ADA2: variants seen among roughly 807,000 people sequenced by gnomAD.
ADA2 encodes the protein adenosine deaminase 2.
Under a neutral mutation model 44.2 loss-of-function variants are expected in ADA2, and 29 were observed. That is an observed-to-expected ratio of 0.66 (90% CI 0.49 to 0.89). The LOEUF is 0.89. ADA2 is among the 40% of genes least tolerant of loss of function. The pLI is 0.00. For synonymous variants in ADA2, 215 were observed against 234.9 expected (o/e 0.92, Z 0.77); for missense variants, 637 against 644.8 (o/e 0.99, Z 0.13).
intron 1 of ADA2, among the ~76,000 whole-genome samples, chr22:17,216,773 C>A (rs147791773): frequency 1.2e-3 from 143 of 114,512 alleles, no homozygotes; most frequent in East Asian, 4.7e-3. Context: ...AAAAAAAAAA[C>A]ACACACACAC....
rs1236769481 is a variant in ADA2, at chr22:17,187,185, T to A, written c.1081+1154A>T. On this transcript the variant is annotated intron_variant, in intron 7 of 9. Coordinates refer to ENST00000399837, the MANE Select transcript of ADA2 (RefSeq NM_001282225.2). ...CCATCTCAAAAAAAAAAAAAAAAAATTTGTTTTCCTTTTTGTGTAGAATGG... is the reference window on the plus strand; with the variant it reads ...CCATCTCAAAAAAAAAAAAAAAAAAATTGTTTTCCTTTTTGTGTAGAATGG... Among the ~76,000 whole-genome samples, 31 of 129,148 alleles carry A rather than the reference T, an allele frequency of 2.4e-4. 1 individual carries two copies. The South Asian group carries it at 2.5e-3, about 10-fold the overall frequency. The allele number at this position is 129,148 out of a possible 152,430, so 84.7% of individuals were successfully genotyped here.
intron 4 of ADA2, chr22:17,193,275 C>T: frequency 1.4e-6 from 1 of 719,210 alleles, no homozygotes; most frequent in South Asian, 1.4e-5. Flanking sequence ...GAGTCACCAA[C>T]CCCAATGCCA....
chr22:17,180,970 T>C lies in ADA2; in HGVS notation c.*513A>G, dbSNP rs1242728737. The C allele has an allele frequency of 3.9e-5, 6 of 152,688 alleles. No individual in the cohort carries two copies. The highest frequency in any genetic ancestry group is 1.4e-4 in the African/African-American group (6 of 41,414). The allele number at this position is 152,688 out of a possible 1,614,324, so 9.5% of individuals were successfully genotyped here. On this transcript the variant is annotated 3_prime_UTR_variant, in exon 10 of 10. Transcript: ENST00000399837. ...CTCGCCAACATGGTGAAAACCTGTC[T>C]CTACTAAAAATGCAAAAATCAGCTG...
intron 8 of ADA2, among the ~76,000 whole-genome samples, chr22:17,182,271 C>A (rs1477998001): frequency 6.6e-6 from 1 of 152,180 alleles, no homozygotes; most frequent in African/African-American, 2.4e-5. Context: ...GAAGCGCTAA[C>A]TGAACACAGA....
At chr22:17,190,297 A>C (rs2062099048) in intron 5 of ADA2, among the ~76,000 whole-genome samples, 2 of 152,122 alleles carry the variant, frequency 1.3e-5, no homozygotes, top group Admixed American at 1.3e-4. Flanking sequence ...GGGTCAGAGG[A>C]CCCACGGGAA....
intron 4 of ADA2, chr22:17,199,445 C>T (rs141781295): frequency 8.9e-6 from 10 of 1,123,090 alleles, no homozygotes; most frequent in Non-Finnish European, 1.4e-5. Flanking sequence ...TCCTCTTCCC[C>T]TCCACCCACG....
chr22:17,216,465 G>GTA (rs946061817), intron 1 of ADA2, among the ~76,000 whole-genome samples: 1 of 151,976 alleles, frequency 6.6e-6, no homozygotes, highest in African/African-American at 2.4e-5. Context: ...ATAATATTAT[G>GTA]TATATTTCAG....
rs1199065924 is a variant in ADA2 at position 17,212,116 on chromosome 22, C to A, written c.-46-2393G>T. On this transcript the variant is annotated intron_variant, in intron 1 of 9. Transcript: ENST00000399837. Reference sequence around the variant, plus strand: ...CTCGGCTCACCGTAACCTCCTCCTCCCAGGTTCAAGCGATTCTCCTGCCTC... The same window carrying A: ...CTCGGCTCACCGTAACCTCCTCCTCACAGGTTCAAGCGATTCTCCTGCCTC... 2.6e-5 allele frequency among the ~76,000 whole-genome samples: 4 copies of A among 151,778 alleles called. No homozygotes were observed. The East Asian group carries it at 7.8e-4, about 29-fold the overall frequency.
At chr22:17,204,165 C>G (rs1367628084) in intron 3 of ADA2, among the ~76,000 whole-genome samples, 1 of 152,182 alleles carries the variant, frequency 6.6e-6, no homozygotes, top group East Asian at 1.9e-4. Context: ...AGACCAAGCT[C>G]TTTTTGGGGA....
intron 3 of ADA2, among the ~76,000 whole-genome samples, chr22:17,206,395 TGCTGTG>T (rs2062353834): frequency 3.9e-5 from 1 of 25,452 alleles, no homozygotes; most frequent in African/African-American, 1.3e-4. Flanking sequence ...AGGCAGAGGC[TGCTGTG>T]AGCCAAGATC....
chr22:17,199,435 T>TCCTCTTCCCCTCCCTCCCCTCCTCTAC, intron 4 of ADA2: 2 of 994,826 alleles, frequency 2.0e-6, no homozygotes, highest in Non-Finnish European at 3.2e-6. Flanking sequence ...CCCTCCTCTA[T>TCCTCTTCCCCTCCCTCCCCTCCTCTAC]CCTCTTCCCC....
intron 2 of ADA2, among the ~76,000 whole-genome samples, chr22:17,207,896 G>A (rs1315245703): frequency 2.6e-5 from 4 of 152,010 alleles, no homozygotes; most frequent in Non-Finnish European, 4.4e-5. Context: ...ACAGCTTCTG[G>A]CCTGCAGGCT....
chr22:17,205,931 T>C (rs2062349597), intron 3 of ADA2, among the ~76,000 whole-genome samples: 1 of 152,130 alleles, frequency 6.6e-6, no homozygotes, highest in South Asian at 2.1e-4. Flanking sequence ...GCCTGGGAGG[T>C]TGAGTCTGAA....
chr22:17,186,222 T>C (rs948827278), intron 7 of ADA2, among the ~76,000 whole-genome samples: 10 of 152,176 alleles, frequency 6.6e-5, no homozygotes, highest in African/African-American at 2.4e-4. Context: ...GGCAGATCAG[T>C]TAACCTCTCA....
rs1438382218 is a variant in ADA2, at chr22:17,179,173, C to T, written c.*2310G>A. 1 of 152,326 alleles carries T rather than the reference C, an allele frequency of 6.6e-6. No homozygotes were observed. Among genetic ancestry groups the T allele is most frequent in the African/African-American group, 2.4e-5 (1 of 41,420 alleles). 9.4% of individuals were successfully genotyped at this position (152,326 alleles called of 1,614,324 possible). A position where few individuals can be genotyped will look rare whatever the true frequency, so the allele number is the denominator to read the frequency against. On this transcript the variant is annotated 3_prime_UTR_variant, in exon 10 of 10. Coordinates refer to ENST00000399837, the MANE Select transcript of ADA2 (RefSeq NM_001282225.2). ...TTGAGTTGGGTGAGGACAGAGGTGG[C>T]TTCTTGCATCCTTCTTCCAAGGCCA...
At chr22:17,193,233 C>G (rs984654416) in intron 4 of ADA2, 1 of 1,055,868 alleles carries the variant, frequency 9.5e-7, no homozygotes, top group South Asian at 1.3e-5. Context: ...ACCACGAAGC[C>G]ATCGTGGAAA....
At chr22:17,199,419 T>TCCCTCCCCACCTCTATCCTCTTCCCCA in intron 4 of ADA2, 2 of 927,944 alleles carry the variant, frequency 2.2e-6, no homozygotes, top group Non-Finnish European at 1.8e-6. Context: ...CAGCGTCTCC[T>TCCCTCCCCACCTCTATCCTCTTCCCCA]CCCTCCCCTC....
intron 4 of ADA2, among the ~76,000 whole-genome samples, chr22:17,203,070 G>A (rs761901528): frequency 4.6e-5 from 7 of 151,982 alleles, no homozygotes; most frequent in Non-Finnish European, 1.5e-5. Flanking sequence ...CACCATGCCC[G>A]GCCGTCTATT....
upstream of ADA2, among the ~76,000 whole-genome samples, chr22:17,221,126 G>A (rs1435353187): frequency 6.6e-6 from 1 of 150,906 alleles, no homozygotes; most frequent in African/African-American, 2.5e-5. Flanking sequence ...CTGGATGACA[G>A]AGTGAGATTT....
Sources: gnomAD v4.1 joint callset for allele counts (sites outside exome capture counted in the v4.1 genomes callset) on GRCh38, gnomAD v4.1.1 for gene constraint, MANE v1.5 for transcripts, NCBI Gene and HGNC (gene_info 2026-07-23, HGNC 2026-07-21) for gene names.